The following TRPM2 variants were observed in gnomAD, a reference collection of about 807,000 sequenced individuals.
TRPM2 encodes estrogen-responsive element-associated gene 1 protein.
A neutral mutation model predicts 174.0 loss-of-function variants in TRPM2; 161 were observed. That is an observed-to-expected ratio of 0.93 (90% CI 0.81 to 1.05). The LOEUF (loss-of-function observed/expected upper bound fraction) is 1.05, where lower values mean the gene tolerates loss of function less well. TRPM2 is among the 50% of genes least tolerant of loss of function. The pLI, the probability that TRPM2 is intolerant of heterozygous loss-of-function variation, is 0.00. For synonymous variants in TRPM2, 954 were observed against 861.3 expected (o/e 1.11, Z -1.88); for missense variants, 2,057 against 2,038.0 (o/e 1.01, Z -0.18).
Position 44,365,691 on chromosome 21 carries a change from C to A in TRPM2, c.424-1063C>A, listed in dbSNP as rs149249350. 4.1e-4 allele frequency among the ~76,000 whole-genome samples: 62 copies of A among 152,292 alleles called. 3 individuals carry two copies. The East Asian group carries it at 0.012, about 29-fold the overall frequency. Reference sequence around the variant, plus strand: ...CCCCCAACCCCCCGGCTTCTCCCAGCCCCCTCCCTGCAGCTGCCGACAGGG... The same window carrying A: ...CCCCCAACCCCCCGGCTTCTCCCAGACCCCTCCCTGCAGCTGCCGACAGGG... On this transcript the variant is annotated intron_variant, in intron 3 of 31. Coordinates refer to ENST00000397928, the MANE Select transcript of TRPM2 (RefSeq NM_003307.4).
At chr21:44,440,386 C>G (rs902633363) in intron 30 of TRPM2, among the ~76,000 whole-genome samples, 2 of 151,840 alleles carry the variant, frequency 1.3e-5, no homozygotes, top group Non-Finnish European at 2.9e-5. Context: ...CCACCTCTAT[C>G]CGGTTCCAGA....
At chr21:44,396,888 A>G (rs1602218395) in intron 12 of TRPM2, among the ~76,000 whole-genome samples, 1 of 13,012 alleles carries the variant, frequency 7.7e-5, no homozygotes, top group Non-Finnish European at 1.3e-4. Context: ...AGGGGTGTGG[A>G]GGGCTGTGGA....
At chr21:44,403,800 GAT>G (rs2049732216) in intron 16 of TRPM2, among the ~76,000 whole-genome samples, 1 of 146,790 alleles carries the variant, frequency 6.8e-6, no homozygotes, top group African/African-American at 2.6e-5. Flanking sequence ...AATATACACA[GAT>G]AAACACATGT....
At chr21:44,370,931 T>C (rs1401175882) in intron 5 of TRPM2, among the ~76,000 whole-genome samples, 1 of 152,034 alleles carries the variant, frequency 6.6e-6, no homozygotes, top group African/African-American at 2.4e-5. Flanking sequence ...TCAGCCACGC[T>C]CCCTCTCTGT....
Position 44,377,783 on chromosome 21 carries a change from G to T in TRPM2, c.1014+10G>T, listed in dbSNP as rs1156511588. 1 of 1,613,988 alleles carries T rather than the reference G, an allele frequency of 6.2e-7. No individual in the cohort carries two copies. The highest frequency in any genetic ancestry group is 1.1e-5 in the South Asian group (1 of 91,072). ...CCCGGGCACGTTGCACGTGAGTATG[G>T]CCAGGTGGGAGGGGGCATGTGTGGG... On this transcript the variant is annotated intron_variant, in intron 7 of 31. Coordinates refer to ENST00000397928, the MANE Select transcript of TRPM2 (RefSeq NM_003307.4).
rs1210779866 is a variant in TRPM2, at chr21:44,369,295, C to T, written c.723C>T (p.Val241=). 3.7e-6 allele frequency: 6 copies of T among 1,613,686 alleles called. No homozygotes were observed. Among genetic ancestry groups the T allele is most frequent in the Non-Finnish European group, 5.1e-6 (6 of 1,179,860 alleles). Residue 241 remains valine (V), a synonymous_variant, in exon 5 of 32, where the codon GTC becomes GTT. Transcript: ENST00000397928. ...YKEGELITIG[V]ATWGTVHRRE... ...AAGGCGAGCTCATCACCATCGGAGTCGCCACCTGGGGCACTGTCCACCGCC... is the reference window on the plus strand; with the variant it reads ...AAGGCGAGCTCATCACCATCGGAGTTGCCACCTGGGGCACTGTCCACCGCC...
intron 9 of TRPM2, among the ~76,000 whole-genome samples, chr21:44,389,996 C>T (rs542472020): frequency 1.9e-3 from 285 of 151,994 alleles, no homozygotes; most frequent in African/African-American, 6.5e-3. Context: ...CTTCAGCCTC[C>T]CAAGTAGCTG....
At position 44,406,742 on chromosome 21, in the gene TRPM2, G is replaced by C; in HGVS notation, c.2939G>C (p.Gly980Ala). 3.7e-6 allele frequency: 6 copies of C among 1,606,370 alleles called. No individual in the cohort carries two copies. Among genetic ancestry groups the C allele is most frequent in the Non-Finnish European group, 5.1e-6 (6 of 1,178,236 alleles). ...AVYHSYLTIF[G>A]QIPGYIDGVN... is the part of the protein sequence containing the mutation. ...TACCACTCCTACCTCACCATCTTCGGGCAGATCCCGGGCTACATCGACGGT... is the reference window on the plus strand; with the variant it reads ...TACCACTCCTACCTCACCATCTTCGCGCAGATCCCGGGCTACATCGACGGT... Residue 980 changes from glycine to alanine, a missense_variant, in exon 19 of 32, where the codon GGG becomes GCG. Physicochemically the swap from Gly to Ala is moderately conservative, Grantham distance 60. Transcript: ENST00000397928.
At chr21:44,389,821 A>G (rs2049118413) in intron 9 of TRPM2, among the ~76,000 whole-genome samples, 2 of 151,674 alleles carry the variant, frequency 1.3e-5, no homozygotes, top group African/African-American at 4.8e-5. Flanking sequence ...CATGGTGTGT[A>G]GTTTCCTTTC....
chr21:44,395,390 C>T (rs373665126), intron 11 of TRPM2, 24 bp from the exon 12 acceptor site: 1 of 1,611,534 alleles, frequency 6.2e-7, no homozygotes, highest in South Asian at 1.1e-5. Flanking sequence ...CCGGCTGGGG[C>T]TCTGACAGTT....
intron 9 of TRPM2, among the ~76,000 whole-genome samples, chr21:44,383,788 C>A (rs533811680): frequency 6.6e-6 from 1 of 152,058 alleles, no homozygotes; most frequent in East Asian, 1.9e-4. Context: ...AAGAAGAAAT[C>A]AAAAAGGAAA....
At position 44,366,926 on chromosome 21, in the gene TRPM2, A is replaced by G; in HGVS notation, c.596A>G (p.Gln199Arg). The change falls in exon 4 of 32, where the codon CAG becomes CGG. Residue 199 changes from glutamine to arginine, a missense_variant. Transcript: ENST00000397928. The surrounding 1 kb of genome is among the most constrained non-coding windows in gnomAD (Gnocchi z 6.0). ...CGCAGAGGCCTGGTCAAGGTGGCTC[A>G]GACCACAGGTAACTCGGAGGCTGGA... ...IFRRGLVKVAQTTGAWIITGG... is the reference protein window; with the variant it reads ...IFRRGLVKVARTTGAWIITGG... The G allele has an allele frequency of 1.3e-6, 2 of 1,588,902 alleles. No individual in the cohort carries two copies. Among genetic ancestry groups the G allele is most frequent in the Non-Finnish European group, 1.7e-6 (2 of 1,164,244 alleles).
chr21:44,404,160 C>A (rs986713813), intron 16 of TRPM2, among the ~76,000 whole-genome samples: 5 of 149,022 alleles, frequency 3.4e-5, no homozygotes, highest in Non-Finnish European at 7.4e-5. Context: ...CAGACACATA[C>A]ACATATATAC....
At chr21:44,378,097 G>T (rs796916546) in intron 7 of TRPM2, among the ~76,000 whole-genome samples, 10 of 152,306 alleles carry the variant, frequency 6.6e-5, no homozygotes, top group African/African-American at 2.4e-4. Flanking sequence ...AGGCTGGGGG[G>T]TTTCTACAAC....
chr21:44,406,859 C>A, intron 19 of TRPM2, 94 bp downstream of exon 19: 1 of 1,472,372 alleles, frequency 6.8e-7, no homozygotes, highest in Non-Finnish European at 9.1e-7. Flanking sequence ...GAGGCCGGCT[C>A]CATCAGGGGG....
At chr21:44,392,599 C>A (rs1427759707) in intron 11 of TRPM2, among the ~76,000 whole-genome samples, 2 of 152,066 alleles carry the variant, frequency 1.3e-5, no homozygotes, top group African/African-American at 4.8e-5. Context: ...ACACACCTAT[C>A]CACTTAGGAA....
At chr21:44,387,115 G>A (rs989296006) in intron 9 of TRPM2, among the ~76,000 whole-genome samples, 3 of 152,134 alleles carry the variant, frequency 2.0e-5, no homozygotes, top group Non-Finnish European at 4.4e-5. Context: ...GAGCCCAGAA[G>A]GTTGGGGCTG....
At chr21:44,383,080 C>A (rs58944187) in intron 9 of TRPM2, among the ~76,000 whole-genome samples, 1 of 152,140 alleles carries the variant, frequency 6.6e-6, no homozygotes, top group Non-Finnish European at 1.5e-5. Flanking sequence ...GTCATAATTT[C>A]TCATAAAACT....
upstream of TRPM2, among the ~76,000 whole-genome samples, chr21:44,351,007 G>A (rs985852805): frequency 6.6e-6 from 1 of 152,132 alleles, no homozygotes; most frequent in African/African-American, 2.4e-5. Flanking sequence ...GAAGATGCCC[G>A]AGCAACCTCC....
Sources: allele counts gnomAD v4.1 joint callset (sites outside exome capture counted in the v4.1 genomes callset), GRCh38; gene constraint gnomAD v4.1.1; non-coding constraint Gnocchi (gnomAD v3.1); transcripts MANE v1.5; gene names NCBI Gene and HGNC (gene_info 2026-07-23, HGNC 2026-07-21).